Variants in ARID1B observed in about 807,000 individuals in gnomAD.
ARID1B encodes AT-rich interactive domain-containing protein 1B.
A neutral mutation model predicts 212.3 loss-of-function variants in ARID1B; 30 were observed. That is an observed-to-expected ratio of 0.14 (90% confidence interval 0.11 to 0.19). ARID1B has a LOEUF of 0.19. ARID1B is among the 10% of genes least tolerant of loss of function. The pLI is 1.00. For synonymous variants in ARID1B, 1,402 were observed against 1,301.7 expected (o/e 1.08, Z -1.66); for missense variants, 2,891 against 3,204.0 (o/e 0.90, Z 2.36).
At chr6:156,779,925 G>A (rs181784223) in intron 1 of ARID1B, among the ~76,000 whole-genome samples, 1 of 152,294 alleles carries the variant, frequency 6.6e-6, no homozygotes, top group East Asian at 1.9e-4. Flanking sequence ...GGGAAAGAAT[G>A]AGGAACTTTC....
intron 6 of ARID1B, among the ~76,000 whole-genome samples, chr6:157,120,234 A>G (rs1787614999): frequency 6.6e-6 from 1 of 152,162 alleles, no homozygotes; most frequent in African/African-American, 2.4e-5. Context: ...CCCATCTGTC[A>G]TCTGGGTGCT....
rs1793289142 is a variant in ARID1B, at chr6:157,190,601, A to C, written c.4231+391A>C. On this transcript the variant is annotated intron_variant, in intron 15 of 19. Transcript: ENST00000636930. The surrounding 1 kb of genome is among the most constrained non-coding windows in gnomAD (Gnocchi z 4.6). ...GAGTGGCTGGCAGCCGCGGTAAGTA[A>C]GCACGCACTTCACGGCACTTGGCAT... Among the ~76,000 whole-genome samples, 1 of 152,232 alleles carries C rather than the reference A, an allele frequency of 6.6e-6. No homozygotes were observed. Among genetic ancestry groups the C allele is most frequent in the Admixed American group, 6.5e-5 (1 of 15,286 alleles).
intron 4 of ARID1B, among the ~76,000 whole-genome samples, chr6:157,025,955 C>T (rs919955822): frequency 2.1e-4 from 31 of 150,854 alleles, no homozygotes; most frequent in African/African-American, 6.8e-4. Flanking sequence ...GGTGGAGTCT[C>T]GCCCTGTTGC....
In ARID1B at chr6:157,201,694, C is replaced by T. The variant is rs745344830; in HGVS notation, c.5263+206C>T. ...TAGTGCCAGAAAGATTGGCCGGGCG[C>T]GGTGGCTCATGCCTGTAATACCAGC... On this transcript the variant is annotated intron_variant, in intron 18 of 19. Coordinates refer to ENST00000636930, the MANE Select transcript of ARID1B (RefSeq NM_001374828.1). The surrounding 1 kb of genome is among the most constrained non-coding windows in gnomAD (Gnocchi z 5.2). 2.0e-5 allele frequency among the ~76,000 whole-genome samples: 3 copies of T among 152,154 alleles called. No homozygotes were observed. The highest frequency in any genetic ancestry group is 4.4e-5 in the Non-Finnish European group (3 of 68,038).
intron 6 of ARID1B, among the ~76,000 whole-genome samples, chr6:157,132,184 TAAGG>T (rs1449953271): frequency 6.6e-6 from 1 of 151,988 alleles, no homozygotes; most frequent in Admixed American, 6.6e-5. Flanking sequence ...GAAGTAGAAA[TAAGG>T]AAGAAGTACC....
rs201183787 is a variant in ARID1B, at chr6:156,927,501, G to T, written c.2137-7965G>T. ...ATCTGTTTTTTGGTAAGCATCAAAT[G>T]TCTTGATCCCCACCCCACCCCCGCT... On this transcript the variant is annotated intron_variant, in intron 3 of 19. Transcript: ENST00000636930. Among the ~76,000 whole-genome samples, 3 of 152,154 alleles carry T rather than the reference G, an allele frequency of 2.0e-5. No homozygotes were observed. The East Asian group carries it at 5.8e-4, about 29-fold the overall frequency.
At chr6:157,083,789 TATC>T (rs1237924083) in intron 4 of ARID1B, among the ~76,000 whole-genome samples, 1 of 152,224 alleles carries the variant, frequency 6.6e-6, no homozygotes, top group Non-Finnish European at 1.5e-5. Flanking sequence ...ATTTTCACAA[TATC>T]ATATATAAAT....
intron 1 of ARID1B, among the ~76,000 whole-genome samples, chr6:156,823,040 T>A (rs907927337): frequency 1.3e-5 from 2 of 152,242 alleles, no homozygotes; most frequent in Non-Finnish European, 2.9e-5. Flanking sequence ...TACAGGCCAC[T>A]GTGGCTGACC....
intron 4 of ARID1B, among the ~76,000 whole-genome samples, chr6:156,974,440 T>C (rs971423327): frequency 2.6e-5 from 4 of 152,144 alleles, no homozygotes; most frequent in Non-Finnish European, 4.4e-5. Flanking sequence ...GAAAAGCCAA[T>C]TGTGTAGAGG....
chr6:156,907,769 A>G (rs1048998831), intron 3 of ARID1B, among the ~76,000 whole-genome samples: 1 of 151,448 alleles, frequency 6.6e-6, no homozygotes, highest in East Asian at 1.9e-4. Context: ...TTAGCCAGGC[A>G]TGTTGGCACA....
intron 11 of ARID1B, among the ~76,000 whole-genome samples, chr6:157,178,754 A>C (rs1792293298): frequency 6.6e-6 from 1 of 152,190 alleles, no homozygotes; most frequent in South Asian, 2.1e-4. Context: ...GAGAAAAGTT[A>C]ATATATAGTC....
At chr6:156,933,357 T>G (rs963359256) in intron 3 of ARID1B, among the ~76,000 whole-genome samples, 2 of 152,216 alleles carry the variant, frequency 1.3e-5, no homozygotes, top group African/African-American at 4.8e-5. Flanking sequence ...TGTGCTTTTT[T>G]GTAACAGGGT....
chr6:157,073,304 G>A (rs532284588), intron 4 of ARID1B, among the ~76,000 whole-genome samples: 55 of 152,038 alleles, frequency 3.6e-4, no homozygotes, highest in African/African-American at 1.3e-3. Flanking sequence ...GGGTTTCACC[G>A]TGTTGGCCAG....
chr6:157,172,367 C>G (rs1791771526), intron 9 of ARID1B, among the ~76,000 whole-genome samples: 2 of 152,106 alleles, frequency 1.3e-5, no homozygotes, highest in Non-Finnish European at 2.9e-5. Flanking sequence ...GCAGCTGCAT[C>G]ACTTGAAAAA....
At chr6:156,847,005 A>G (rs1173943540) in intron 2 of ARID1B, among the ~76,000 whole-genome samples, 1 of 152,084 alleles carries the variant, frequency 6.6e-6, no homozygotes, top group African/African-American at 2.4e-5. Flanking sequence ...CTTATCTGTT[A>G]CCATCTCACC....
chr6:157,103,018 T>C (rs893055961), intron 5 of ARID1B, among the ~76,000 whole-genome samples: 6 of 152,232 alleles, frequency 3.9e-5, no homozygotes, highest in African/African-American at 1.2e-4. Flanking sequence ...TATGCTATTT[T>C]GTTTTCATAT....
intron 4 of ARID1B, among the ~76,000 whole-genome samples, chr6:157,008,783 A>G (rs1170344155): frequency 6.6e-6 from 1 of 151,902 alleles, no homozygotes; most frequent in Non-Finnish European, 1.5e-5. Flanking sequence ...AGATGACAGC[A>G]TGGGTCCTTC....
chr6:156,884,396 C>A (rs1244907750), intron 2 of ARID1B, among the ~76,000 whole-genome samples: 1 of 151,384 alleles, frequency 6.6e-6, no homozygotes, highest in Non-Finnish European at 1.5e-5. Flanking sequence ...TGATGAAAAA[C>A]TGAAACCATA....
At chr6:156,826,710 A>G (rs1020287528) in intron 1 of ARID1B, among the ~76,000 whole-genome samples, 2 of 151,960 alleles carry the variant, frequency 1.3e-5, no homozygotes, top group African/African-American at 4.8e-5. Context: ...CTGCAGCGAG[A>G]CTGTCCTTGC....
Sources: allele counts gnomAD v4.1 joint callset (sites outside exome capture counted in the v4.1 genomes callset), GRCh38; gene constraint gnomAD v4.1.1; non-coding constraint Gnocchi (gnomAD v3.1); transcripts MANE v1.5; gene names NCBI Gene and HGNC (gene_info 2026-07-23, HGNC 2026-07-21).